FAM117A: variants seen among roughly 807,000 people sequenced by gnomAD.
FAM117A encodes the protein protein FAM117A.
Under a neutral mutation model 44.1 loss-of-function variants are expected in FAM117A, and 21 were observed. The observed-to-expected ratio is 0.48, with a 90% CI of 0.34 to 0.69. The LOEUF is 0.69. FAM117A is among the 30% of genes least tolerant of loss of function. FAM117A has a pLI of 0.01. For missense variants in FAM117A, 498 were observed against 589.9 expected, an observed-to-expected ratio of 0.84 and a Z score of 1.61; for synonymous variants, 220 against 238.3, an observed-to-expected ratio of 0.92 and a Z score of 0.71.
At chr17:49,761,500 TTATGA>T (rs2073722299) in intron 1 of FAM117A, among the ~76,000 whole-genome samples, 1 of 152,246 alleles carries the variant, frequency 6.6e-6, no homozygotes, top group South Asian at 2.1e-4. Context: ...CATTTAATTC[TTATGA>T]TATAGATATT....
intron 2 of FAM117A, among the ~76,000 whole-genome samples, chr17:49,729,193 G>A (rs2143726141): frequency 6.6e-6 from 1 of 152,316 alleles, no homozygotes; most frequent in Middle Eastern, 3.4e-3. Context: ...TCTGAAGCTG[G>A]CTTGCAATGG....
intron 1 of FAM117A, among the ~76,000 whole-genome samples, chr17:49,787,979 C>T (rs1367180698): frequency 6.6e-6 from 1 of 152,194 alleles, no homozygotes; most frequent in Non-Finnish European, 1.5e-5. Flanking sequence ...CCCCAGGGCC[C>T]CCAGTGGTCT....
intron 1 of FAM117A, among the ~76,000 whole-genome samples, chr17:49,776,414 C>G (rs1041841573): frequency 1.3e-4 from 20 of 152,072 alleles, no homozygotes; most frequent in African/African-American, 4.8e-4. Context: ...GAAATACAGG[C>G]CAGACCAGTC....
chr17:49,741,798 G>T (rs2073635608), intron 1 of FAM117A, among the ~76,000 whole-genome samples: 1 of 152,162 alleles, frequency 6.6e-6, no homozygotes, highest in African/African-American at 2.4e-5. Context: ...CATTTGTTGG[G>T]ATTAAACAGG....
rs139433902 is a variant in FAM117A at position 49,711,468 on chromosome 17, G to A, written c.1149C>T (p.Pro383=). 847 of 1,614,062 alleles carry A rather than the reference G, an allele frequency of 5.2e-4. 7 individuals are homozygous for A. The South Asian group carries it at 5.8e-3, about 11-fold the overall frequency. Residue 383 remains proline (P), a synonymous_variant, in exon 8 of 8, where the codon CCC becomes CCT. Transcript: ENST00000240364. ...HFNPTGSAFC[P]VNLMKPLFPG... ...GGAAGAGGGGCTTCATCAGGTTGAC[G>A]GGGCAGAAGGCTGAGCCAGTCGGGT...
chr17:49,732,835 C>T (rs535238571), intron 1 of FAM117A, 115 bp from the exon 2 acceptor site: 2 of 1,119,582 alleles, frequency 1.8e-6, no homozygotes, highest in Admixed American at 2.2e-5. Flanking sequence ...CTCATATCCA[C>T]CACTGTCCTA....
upstream of FAM117A, chr17:49,764,168 T>G: frequency 1.4e-6 from 1 of 718,958 alleles, no homozygotes; most frequent in East Asian, 3.3e-5. Flanking sequence ...TTATCTGCTG[T>G]ACGGGGCGGG....
chr17:49,732,429 A>AATAT (rs1437053635), intron 2 of FAM117A, 122 bp downstream of exon 2: 8 of 881,024 alleles, frequency 9.1e-6, no homozygotes, highest in Non-Finnish European at 1.4e-5. Context: ...TTACATGGAT[A>AATAT]ATATGTACGA....
chr17:49,731,460 T>C (rs2073584468), intron 2 of FAM117A, among the ~76,000 whole-genome samples: 1 of 148,008 alleles, frequency 6.8e-6, no homozygotes, highest in South Asian at 2.1e-4. Flanking sequence ...ATGAGATACG[T>C]TCGTGCTAGC....
At chr17:49,771,545 T>C (rs1286485830) in intron 1 of FAM117A, among the ~76,000 whole-genome samples, 6 of 152,076 alleles carry the variant, frequency 3.9e-5, no homozygotes, top group Admixed American at 3.9e-4. Context: ...AGAGCAGGTA[T>C]GTCTTGGTCA....
rs57966452 is a variant in FAM117A, at chr17:49,770,269, C to CAAA, written c.-621+18225_-621+18227dup. 2.6e-3 allele frequency among the ~76,000 whole-genome samples: 180 copies of CAAA among 69,658 alleles called. 1 individual carries two copies. The highest frequency in any genetic ancestry group is 7.8e-3 in the African/African-American group (153 of 19,676). The allele number at this position is 69,658 out of a possible 152,430, so 45.7% of individuals were successfully genotyped here. A position where few individuals can be genotyped will look rare whatever the true frequency, so the allele number is the denominator to read the frequency against. On this transcript the variant is annotated intron_variant, in intron 1 of 7. Transcript: ENST00000513602. Reference sequence around the variant, plus strand: ...TGGTTGACAGAGCAAGACTCTGTATCAAAAAAAAAAAAAAAAAAAAAAGGA... The same window carrying CAAA: ...TGGTTGACAGAGCAAGACTCTGTATCAAAAAAAAAAAAAAAAAAAAAAAAAGGA...
At chr17:49,731,594 G>C (rs1216600633) in intron 2 of FAM117A, among the ~76,000 whole-genome samples, 1 of 152,144 alleles carries the variant, frequency 6.6e-6, no homozygotes, top group East Asian at 1.9e-4. Flanking sequence ...CCCAGTCCTT[G>C]AATGGGTACA....
At chr17:49,768,087 C>T (rs79119668), upstream of FAM117A, among the ~76,000 whole-genome samples, 5 of 152,166 alleles carry the variant, frequency 3.3e-5, no homozygotes, top group Non-Finnish European at 5.9e-5. Context: ...ATTTTTCCTA[C>T]AGGTGTAAGT....
intron 1 of FAM117A, among the ~76,000 whole-genome samples, chr17:49,746,515 G>C (rs2073654900): frequency 1.3e-5 from 2 of 152,208 alleles, no homozygotes; most frequent in Admixed American, 1.3e-4. Context: ...GTAAGTTAAT[G>C]CAAGGTAGAA....
chr17:49,737,185 A>G (rs1246850541), intron 1 of FAM117A, among the ~76,000 whole-genome samples: 1 of 152,192 alleles, frequency 6.6e-6, no homozygotes, highest in Non-Finnish European at 1.5e-5. Context: ...AGTTGGTGAC[A>G]GGCACACTGG....
upstream of FAM117A, among the ~76,000 whole-genome samples, chr17:49,769,009 T>C (rs1272307114): frequency 5.9e-5 from 9 of 152,156 alleles, no homozygotes; most frequent in Admixed American, 6.5e-5. Context: ...AAAATGAAGA[T>C]TCTTGGCTGG....
At chr17:49,788,066 C>T (rs1004925400) in intron 1 of FAM117A, among the ~76,000 whole-genome samples, 1 of 152,194 alleles carries the variant, frequency 6.6e-6, no homozygotes, top group Non-Finnish European at 1.5e-5. Context: ...CCTGCAGCTT[C>T]TGGAGAATGG....
At chr17:49,760,191 G>A (rs1408947188) in intron 1 of FAM117A, among the ~76,000 whole-genome samples, 1 of 152,176 alleles carries the variant, frequency 6.6e-6, no homozygotes, top group Non-Finnish European at 1.5e-5. Flanking sequence ...GGAAGCAGGT[G>A]ACCTTCTTTT....
intron 5 of FAM117A, 62 bp from the exon 6 acceptor site, chr17:49,717,776 T>C (rs2143697937): frequency 1.4e-6 from 2 of 1,386,224 alleles, no homozygotes; most frequent in East Asian, 4.7e-5. Context: ...AGCAGCACAG[T>C]GACCCCAAGG....
Sources: gnomAD v4.1 joint callset for allele counts (sites outside exome capture counted in the v4.1 genomes callset) on GRCh38, gnomAD v4.1.1 for gene constraint, MANE v1.5 for transcripts, NCBI Gene and HGNC (gene_info 2026-07-23, HGNC 2026-07-21) for gene names.